The following ANO5 variants were observed in gnomAD, a reference collection of about 807,000 sequenced individuals.
ANO5 encodes the protein anoctamin-5.
In ANO5, 109 loss-of-function variants were observed where a neutral mutation model predicts 121.0. The ratio of observed to expected loss-of-function variants is 0.90; its 90% CI spans 0.77 to 1.06. ANO5 has a LOEUF of 1.06. ANO5 is among the 50% of genes least tolerant of loss of function. The pLI is 0.00. For synonymous variants in ANO5, 406 were observed against 359.9 expected (o/e 1.13, Z -1.45); for missense variants, 1,064 against 1,078.5 (o/e 0.99, Z 0.19).
intron 2 of ANO5, among the ~76,000 whole-genome samples, chr11:22,205,994 T>A (rs1017252177): frequency 2.0e-5 from 3 of 152,150 alleles, no homozygotes; most frequent in Non-Finnish European, 4.4e-5. Context: ...CTGAAAGACC[T>A]CTTCAGGCTT....
chr11:22,271,086 T>C (rs1854594487), intron 18 of ANO5, among the ~76,000 whole-genome samples: 1 of 152,192 alleles, frequency 6.6e-6, no homozygotes, highest in African/African-American at 2.4e-5. Context: ...AGAGTCTCGC[T>C]CTGTCGCTCA....
In ANO5 at chr11:22,203,860, A is replaced by C. The variant is rs759370330; in HGVS notation, c.87+10A>C. 2.6e-5 allele frequency: 38 copies of C among 1,439,186 alleles called. No individual in the cohort carries two copies. The highest frequency in any genetic ancestry group is 3.5e-5 in the Non-Finnish European group (36 of 1,028,312). The allele number at this position is 1,439,186 out of a possible 1,614,324, so 89.2% of individuals were successfully genotyped here. On this transcript the variant is annotated intron_variant, in intron 2 of 21. Coordinates refer to ENST00000324559, the MANE Select transcript of ANO5 (RefSeq NM_213599.3). ...TTTCCAAATGAGTGAGGTAAGTTAA[A>C]TATATATGCATTAACTTCCTTATAA... is the stretch of plus-strand genomic sequence containing the variant.
intron 17 of ANO5, among the ~76,000 whole-genome samples, chr11:22,268,891 G>T (rs1590318172): frequency 6.6e-6 from 1 of 152,054 alleles, no homozygotes; most frequent in African/African-American, 2.4e-5. Flanking sequence ...GGAGGCACAT[G>T]CCTTTAGTCC....
chr11:22,218,115 TCA>T (rs71034578), intron 3 of ANO5, 129 bp from the exon 4 acceptor site: 11,224 of 597,478 alleles, frequency 0.019, 342 homozygotes, highest in African/African-American at 0.13. Context: ...GTTTGAAATA[TCA>T]CACACACACA....
At chr11:22,261,129 G>C (rs1442237880) in intron 15 of ANO5, 1 of 152,188 alleles carries the variant, frequency 6.6e-6, no homozygotes, top group Non-Finnish European at 1.5e-5. Flanking sequence ...AGTGTTTGGA[G>C]ATGAGCATAA....
chr11:22,276,630 C>A (rs1342267847), intron 21 of ANO5, among the ~76,000 whole-genome samples: 2 of 151,636 alleles, frequency 1.3e-5, no homozygotes, highest in African/African-American at 4.8e-5. Flanking sequence ...CTAACATTAG[C>A]GCTGAGTCTC....
At chr11:22,239,507 T>G (rs1436202981) in intron 8 of ANO5, 62 bp from the exon 9 acceptor site, 2 of 1,192,424 alleles carry the variant, frequency 1.7e-6, no homozygotes, top group Non-Finnish European at 2.5e-6. Flanking sequence ...CAGCAGTGTT[T>G]ATTTACTTCG....
Position 22,239,594 on chromosome 11 carries a change from C to T in ANO5, c.788C>T (p.Pro263Leu), listed in dbSNP as rs754281591. ...GGCCAATATTGGAAGCCATCAGAACCTCCCAATCCTACCAATGAAAGATAC... is the reference window on the plus strand; with the variant it reads ...GGCCAATATTGGAAGCCATCAGAACTTCCCAATCCTACCAATGAAAGATAC... ...HDGQYWKPSE[P>L]PNPTNERYTL... The change falls in exon 9 of 22, where the codon CCT becomes CTT. Residue 263 changes from proline to leucine, a missense_variant. By Grantham distance (98) the Pro-to-Leu change is moderately conservative (BLOSUM62 -3). Coordinates refer to ENST00000324559, the MANE Select transcript of ANO5 (RefSeq NM_213599.3). 4.7e-5 allele frequency: 75 copies of T among 1,612,624 alleles called. 1 individual carries two copies. Among genetic ancestry groups the T allele is most frequent in the Non-Finnish European group, 5.8e-5 (68 of 1,179,018 alleles).
At chr11:22,267,338 T>C (rs1854400279) in intron 17 of ANO5, among the ~76,000 whole-genome samples, 1 of 151,716 alleles carries the variant, frequency 6.6e-6, no homozygotes, top group African/African-American at 2.4e-5. Context: ...TATATGTGTA[T>C]ATATATGTAT....
intron 16 of ANO5, 45 bp from the exon 17 acceptor site, chr11:22,262,901 C>A: frequency 6.9e-7 from 1 of 1,457,108 alleles, no homozygotes; most frequent in Non-Finnish European, 9.6e-7. Context: ...AAAATTCCAT[C>A]TTTGATCATT....
At position 22,272,781 on chromosome 11, in the gene ANO5, C is replaced by A. The variant is rs752534913; in HGVS notation, c.2030-3C>A. The A allele has an allele frequency of 5.6e-6, 9 of 1,612,992 alleles. No homozygotes were observed. Among genetic ancestry groups the A allele is most frequent in the Admixed American group, 5.0e-5 (3 of 59,982 alleles). On this transcript the variant is annotated splice_polypyrimidine_tract_variant and splice_region_variant and intron_variant, in intron 18 of 21. Transcript: ENST00000324559. ...AGTTCATGCCTTTTTCTTTTCTCTA[C>A]AGTTACTCAATTTGGATTTGTTACA... is the stretch of plus-strand genomic sequence containing the variant.
intron 8 of ANO5, among the ~76,000 whole-genome samples, chr11:22,239,156 T>G (rs1471336785): frequency 6.6e-6 from 1 of 152,136 alleles, no homozygotes; most frequent in Non-Finnish European, 1.5e-5. Flanking sequence ...GTAATAGCAG[T>G]ATGACTTTGG....
chr11:22,228,115 T>C (rs1852908568), intron 7 of ANO5, among the ~76,000 whole-genome samples: 1 of 152,106 alleles, frequency 6.6e-6, no homozygotes, highest in East Asian at 1.9e-4. Flanking sequence ...AGTTTCCCAT[T>C]GAAAACCTCT....
chr11:22,270,072 CAGAGT>C (rs1324896177), intron 17 of ANO5, among the ~76,000 whole-genome samples: 7 of 152,142 alleles, frequency 4.6e-5, no homozygotes, highest in Non-Finnish European at 1.0e-4. Flanking sequence ...TTTCTCTGAG[CAGAGT>C]AAAGATTGTC....
At chr11:22,272,340 A>ACACACG (rs1554934131) in intron 18 of ANO5, among the ~76,000 whole-genome samples, 7 of 149,208 alleles carry the variant, frequency 4.7e-5, no homozygotes, top group African/African-American at 1.8e-4. Flanking sequence ...ACACACACAC[A>ACACACG]CACACAGCTG....
chr11:22,239,053 A>C (rs1175812738), intron 8 of ANO5, among the ~76,000 whole-genome samples: 1 of 152,190 alleles, frequency 6.6e-6, no homozygotes, highest in African/African-American at 2.4e-5. Context: ...TGCATCAAGC[A>C]ATACCAAGCC....
chr11:22,224,537 A>G (rs1047803016), intron 5 of ANO5, among the ~76,000 whole-genome samples: 4 of 152,136 alleles, frequency 2.6e-5, no homozygotes, highest in African/African-American at 9.7e-5. Context: ...TGGAAGAATG[A>G]TACCAGATCC....
At chr11:22,275,903 A>G (rs866108823) in intron 20 of ANO5, among the ~76,000 whole-genome samples, 191 bp from the exon 21 acceptor site, 3 of 151,738 alleles carry the variant, frequency 2.0e-5, no homozygotes, top group Admixed American at 6.6e-5. Context: ...TATTTTGCAC[A>G]TAAGTAGCAT....
intron 5 of ANO5, among the ~76,000 whole-genome samples, chr11:22,221,728 T>C (rs995538459): frequency 6.6e-6 from 1 of 152,014 alleles, no homozygotes; most frequent in African/African-American, 2.4e-5. Context: ...TTCACCGTTA[T>C]GTACCCAAAT....
Sources: gnomAD v4.1 joint callset for allele counts (sites outside exome capture counted in the v4.1 genomes callset) on GRCh38, gnomAD v4.1.1 for gene constraint, MANE v1.5 for transcripts, NCBI Gene and HGNC (gene_info 2026-07-23, HGNC 2026-07-21) for gene names.